The following TRERF1 variants were observed in gnomAD, a reference collection of about 807,000 sequenced individuals.
TRERF1 encodes transcriptional-regulating factor 1.
TRERF1 carries 27 observed loss-of-function variants against 122.9 expected under a neutral mutation model. That is an observed-to-expected ratio of 0.22 (90% CI 0.16 to 0.30). The LOEUF (loss-of-function observed/expected upper bound fraction) is 0.30. TRERF1 is among the 10% of genes least tolerant of loss of function. The pLI is 1.00. For synonymous variants in TRERF1, 636 were observed against 641.7 expected (o/e 0.99, Z 0.13); for missense variants, 1,248 against 1,560.3 (o/e 0.80, Z 3.37).
chr6:42,292,681 G>A (rs974157881), intron 4 of TRERF1, among the ~76,000 whole-genome samples: 6 of 152,162 alleles, frequency 3.9e-5, no homozygotes, highest in Non-Finnish European at 8.8e-5. Flanking sequence ...AACGAAGGTG[G>A]TTTTCTACTT....
chr6:42,274,242 G>A (rs572754643), intron 4 of TRERF1, among the ~76,000 whole-genome samples: 19 of 152,266 alleles, frequency 1.2e-4, no homozygotes, highest in African/African-American at 4.1e-4. Context: ...TCCGATGCAC[G>A]CTTAAGTTGA....
At chr6:42,405,155 G>T (rs1376533583) in intron 2 of TRERF1, among the ~76,000 whole-genome samples, 1 of 152,076 alleles carries the variant, frequency 6.6e-6, no homozygotes, top group South Asian at 2.1e-4. Flanking sequence ...GGCATTAAGG[G>T]TTAAGTACTC....
intron 2 of TRERF1, among the ~76,000 whole-genome samples, chr6:42,401,404 C>T (rs886770359): frequency 6.6e-6 from 1 of 152,178 alleles, no homozygotes; most frequent in East Asian, 1.9e-4. Context: ...TAGGCCTACA[C>T]CAGGTACTTT....
chr6:42,307,809 G>C (rs1787550765), intron 3 of TRERF1, among the ~76,000 whole-genome samples: 1 of 152,218 alleles, frequency 6.6e-6, no homozygotes, highest in African/African-American at 2.4e-5. Context: ...CAGAACCTGG[G>C]AACAGTAGAC....
At chr6:42,318,655 G>C (rs1232916047) in intron 3 of TRERF1, among the ~76,000 whole-genome samples, 1 of 152,238 alleles carries the variant, frequency 6.6e-6, no homozygotes, top group Non-Finnish European at 1.5e-5. Context: ...TCCGCTGCCT[G>C]TTTATGTAAA....
intron 2 of TRERF1, among the ~76,000 whole-genome samples, chr6:42,422,181 A>G (rs1455058540): frequency 1.3e-5 from 2 of 151,750 alleles, no homozygotes; most frequent in African/African-American, 4.8e-5. Flanking sequence ...CATTAAAAAA[A>G]AAGAAAGAAA....
intron 10 of TRERF1, 135 bp from the exon 11 acceptor site, chr6:42,257,237 G>A: frequency 9.0e-7 from 1 of 1,110,584 alleles, no homozygotes; most frequent in Non-Finnish European, 1.3e-6. Context: ...CTCACAGTGT[G>A]ACCCTAAGAT....
At position 42,299,807 on chromosome 6, in the gene TRERF1, TTTC is replaced by T. The variant is rs201888698; in HGVS notation, c.-259+828_-259+830del. On this transcript the variant is annotated intron_variant, in intron 4 of 17. Coordinates refer to ENST00000372922, the Ensembl canonical transcript of TRERF1. Reference sequence around the variant, plus strand: ...TGTCTTAAAAGACAGAGACCCTGTCTTTCTTCTTCATTGATATATCTCCAGAGT... The same window carrying T: ...TGTCTTAAAAGACAGAGACCCTGTCTTTCTTCATTGATATATCTCCAGAGT... Among the ~76,000 whole-genome samples the T allele has an allele frequency of 5.9e-5, 9 of 152,360 alleles. 1 individual carries two copies. In the East Asian group the frequency reaches 1.7e-3, roughly 29 times the overall value.
At chr6:42,252,235 C>T (rs920790492) in intron 13 of TRERF1, among the ~76,000 whole-genome samples, 1 of 152,260 alleles carries the variant, frequency 6.6e-6, no homozygotes, top group African/African-American at 2.4e-5. Context: ...TAGCACATCT[C>T]TCCTGGGTCC....
chr6:42,247,031 G>A (rs779490458), intron 13 of TRERF1, among the ~76,000 whole-genome samples: 1 of 152,204 alleles, frequency 6.6e-6, no homozygotes, highest in Non-Finnish European at 1.5e-5. Context: ...AGACAAACAA[G>A]TAGGCCATGA....
chr6:42,264,998 A>C (rs866919933), intron 6 of TRERF1, 144 bp from the exon 7 acceptor site: 12 of 860,746 alleles, frequency 1.4e-5, no homozygotes, highest in Middle Eastern at 3.1e-4. Flanking sequence ...GTATCACCCC[A>C]GTGCCCTTTA....
intron 3 of TRERF1, among the ~76,000 whole-genome samples, chr6:42,332,338 CGGT>C (rs1474541541): frequency 2.6e-5 from 4 of 152,212 alleles, no homozygotes; most frequent in Non-Finnish European, 5.9e-5. Flanking sequence ...CCCAAGAACG[CGGT>C]GCCCACTCCA....
In TRERF1 at chr6:42,441,714, T is replaced by A. The variant is rs1786551539; in HGVS notation, c.-454+9463A>T. Among the ~76,000 whole-genome samples, 3 of 152,050 alleles carry A rather than the reference T, an allele frequency of 2.0e-5. No homozygotes were observed. In the South Asian group the frequency reaches 6.2e-4, roughly 32 times the overall value. On this transcript the variant is annotated intron_variant, in intron 2 of 17. Coordinates refer to ENST00000372922, the Ensembl canonical transcript of TRERF1. The stretch of plus-strand genomic sequence containing the variant: ...CAGCTGATTCTGAAGTAAGCATTTT[T>A]ACAGCACTAACTAGTGTCAGGCTCT...
chr6:42,240,550 A>G (rs991563788), intron 15 of TRERF1, among the ~76,000 whole-genome samples: 2 of 152,216 alleles, frequency 1.3e-5, no homozygotes, highest in Non-Finnish European at 2.9e-5. Context: ...TTGGAAAGCA[A>G]TGCTCTGTGT....
At position 42,228,347 on chromosome 6, in the gene TRERF1, A is replaced by C. The variant is rs1335009638; in HGVS notation, c.3601T>G (p.Ter1201GluextTer18). Reference sequence around the variant, plus strand: ...GTCTCTAAGTGACACACAGGGCTTTATAGTTCTGCGTCACCCTGAAGCAAG... The same window carrying C: ...GTCTCTAAGTGACACACAGGGCTTTCTAGTTCTGCGTCACCCTGAAGCAAG... The change falls in exon 18 of 18, where the codon TAA becomes GAA. Residue 1201 changes from the stop codon to glutamate (E), a stop_lost. Coordinates refer to ENST00000372922, the Ensembl canonical transcript of TRERF1. The surrounding 1 kb of genome is among the most constrained non-coding windows in gnomAD (Gnocchi z 4.2). 1 of 1,609,666 alleles carries C rather than the reference A, an allele frequency of 6.2e-7. No individual in the cohort carries two copies. Among genetic ancestry groups the C allele is most frequent in the African/African-American group, 1.3e-5 (1 of 74,854 alleles).
intron 3 of TRERF1, among the ~76,000 whole-genome samples, chr6:42,328,182 A>AT (rs1168036239): frequency 6.6e-6 from 1 of 150,836 alleles, no homozygotes; most frequent in Non-Finnish European, 1.5e-5. Flanking sequence ...TAATTTTTGT[A>AT]TTTTTTGGTA....
intron 4 of TRERF1, among the ~76,000 whole-genome samples, chr6:42,291,954 C>CA (rs1784389149): frequency 6.6e-6 from 1 of 152,146 alleles, no homozygotes; most frequent in Non-Finnish European, 1.5e-5. Flanking sequence ...CTTCTGGAGT[C>CA]AAAGATTGGG....
At chr6:42,309,608 C>T (rs925715299) in intron 3 of TRERF1, among the ~76,000 whole-genome samples, 1 of 152,180 alleles carries the variant, frequency 6.6e-6, no homozygotes. Flanking sequence ...CAGTCCTCAC[C>T]TCAAGTTTGC....
intron 4 of TRERF1, among the ~76,000 whole-genome samples, chr6:42,271,169 G>C (rs1011318079): frequency 7.4e-6 from 1 of 134,320 alleles, no homozygotes; most frequent in African/African-American, 2.8e-5. Context: ...TCTGTGACAA[G>C]AGCAAAACTC....
Sources: allele counts gnomAD v4.1 joint callset (sites outside exome capture counted in the v4.1 genomes callset), GRCh38; gene constraint gnomAD v4.1.1; non-coding constraint Gnocchi (gnomAD v3.1); transcripts MANE v1.5; gene names NCBI Gene and HGNC (gene_info 2026-07-23, HGNC 2026-07-21).